Variants in NLGN1 observed in about 807,000 individuals in gnomAD.
NLGN1 encodes the protein neuroligin-1.
A neutral mutation model predicts 65.5 loss-of-function variants in NLGN1; 12 were observed. The observed-to-expected ratio is 0.18, with a 90% CI of 0.12 to 0.30. NLGN1 has a LOEUF of 0.30. Ranked by LOEUF, NLGN1 falls within the 10% of genes least tolerant of loss-of-function variation. The probability of loss-of-function intolerance (pLI) is 1.00; values close to 1 mark genes in which losing one functional copy is unlikely to be tolerated. For synonymous variants in NLGN1, 350 were observed against 359.5 expected (o/e 0.97, Z 0.30); for missense variants, 750 against 1,007.1 (o/e 0.74, Z 3.46).
At chr3:174,220,731 T>A (rs2152805076) in intron 4 of NLGN1, among the ~76,000 whole-genome samples, 1 of 152,308 alleles carries the variant, frequency 6.6e-6, no homozygotes. Context: ...GGGCATTATT[T>A]ACACATGGTT....
At chr3:174,236,478 C>T (rs578096627) in intron 4 of NLGN1, among the ~76,000 whole-genome samples, 20 of 151,948 alleles carry the variant, frequency 1.3e-4, no homozygotes, top group African/African-American at 4.8e-4. Flanking sequence ...AGATTGGTGA[C>T]AACTATTTTC....
At chr3:173,937,533 A>G (rs1418855523) in intron 4 of NLGN1, among the ~76,000 whole-genome samples, 1 of 152,148 alleles carries the variant, frequency 6.6e-6, no homozygotes, top group Non-Finnish European at 1.5e-5. Context: ...AGAATTAAAA[A>G]TCTGAACTTT....
intron 2 of NLGN1, among the ~76,000 whole-genome samples, chr3:173,532,081 C>T (rs1429252339): frequency 2.6e-5 from 4 of 152,250 alleles, no homozygotes; most frequent in East Asian, 1.9e-4. Flanking sequence ...CTCATGAATT[C>T]GCCAAAGCTA....
intron 2 of NLGN1, among the ~76,000 whole-genome samples, chr3:173,445,379 TC>T (rs1720075304): frequency 6.6e-6 from 1 of 152,190 alleles, no homozygotes; most frequent in African/African-American, 2.4e-5. Flanking sequence ...AATGACCTGT[TC>T]CTTAGGTATG....
At chr3:173,878,644 A>T (rs1732621779) in intron 4 of NLGN1, among the ~76,000 whole-genome samples, 1 of 149,050 alleles carries the variant, frequency 6.7e-6, no homozygotes, top group Non-Finnish European at 1.5e-5. Context: ...ATATACTTAT[A>T]TATGTGTATA....
chr3:174,044,895 T>C (rs973372969), intron 4 of NLGN1, among the ~76,000 whole-genome samples: 3 of 152,088 alleles, frequency 2.0e-5, no homozygotes, highest in African/African-American at 7.2e-5. Flanking sequence ...GTTTCCCCCT[T>C]TTGCTTGGCA....
chr3:174,074,921 T>C (rs898706850), intron 4 of NLGN1, among the ~76,000 whole-genome samples: 1 of 152,174 alleles, frequency 6.6e-6, no homozygotes, highest in African/African-American at 2.4e-5. Flanking sequence ...GTGCACAATG[T>C]GATTGCTAGT....
chr3:173,763,456 T>C (rs1778298852), intron 3 of NLGN1, among the ~76,000 whole-genome samples: 1 of 152,092 alleles, frequency 6.6e-6, no homozygotes, highest in African/African-American at 2.4e-5. Flanking sequence ...ACAGCAGAAA[T>C]TCATGATTTG....
intron 4 of NLGN1, among the ~76,000 whole-genome samples, chr3:174,084,260 A>T (rs1338514223): frequency 6.6e-6 from 1 of 152,188 alleles, no homozygotes; most frequent in Non-Finnish European, 1.5e-5. Context: ...CCTCCTTTAC[A>T]GTTCAGAATA....
At chr3:174,103,393 C>T (rs1712991466) in intron 4 of NLGN1, among the ~76,000 whole-genome samples, 1 of 151,966 alleles carries the variant, frequency 6.6e-6, no homozygotes, top group Non-Finnish European at 1.5e-5. Context: ...TTTGCTTATA[C>T]AAATATCTCT....
chr3:173,464,210 T>G (rs187894383), intron 2 of NLGN1, among the ~76,000 whole-genome samples: 7 of 152,268 alleles, frequency 4.6e-5, no homozygotes, highest in Admixed American at 3.9e-4. Context: ...ATGTGCATTA[T>G]CTCTATCCAC....
chr3:173,583,373 C>A (rs1746702135), intron 2 of NLGN1, among the ~76,000 whole-genome samples: 1 of 152,164 alleles, frequency 6.6e-6, no homozygotes, highest in Admixed American at 6.5e-5. Context: ...TATGGGTTTA[C>A]CCCTTAGTGT....
intron 4 of NLGN1, among the ~76,000 whole-genome samples, chr3:173,994,034 T>C (rs1453339569): frequency 3.3e-5 from 5 of 152,054 alleles, no homozygotes; most frequent in Non-Finnish European, 7.4e-5. Context: ...TATAAGTAGA[T>C]TGCCATAAAG....
At chr3:173,416,833 G>A (rs1713894991) in intron 1 of NLGN1, among the ~76,000 whole-genome samples, 1 of 152,068 alleles carries the variant, frequency 6.6e-6, no homozygotes, top group Non-Finnish European at 1.5e-5. Flanking sequence ...GTTAAAGTGA[G>A]TCTAATGTAT....
chr3:173,683,912 T>C (rs1577935665), intron 3 of NLGN1, among the ~76,000 whole-genome samples: 1 of 152,148 alleles, frequency 6.6e-6, no homozygotes, highest in South Asian at 2.1e-4. Context: ...GAAATGGCTG[T>C]TGGACTTGAT....
At chr3:174,265,539 C>G (rs1029249545) in intron 4 of NLGN1, among the ~76,000 whole-genome samples, 2 of 151,856 alleles carry the variant, frequency 1.3e-5, no homozygotes, top group Non-Finnish European at 2.9e-5. Flanking sequence ...TGTTTCGGCT[C>G]GCACACGGTG....
intron 4 of NLGN1, among the ~76,000 whole-genome samples, chr3:174,122,733 A>G (rs1718037109): frequency 6.6e-6 from 1 of 152,180 alleles, no homozygotes; most frequent in South Asian, 2.1e-4. Flanking sequence ...TTTCCCTCAC[A>G]TGGAAAATCA....
At chr3:173,922,243 TTAA>T (rs1177650604) in intron 4 of NLGN1, among the ~76,000 whole-genome samples, 2 of 152,098 alleles carry the variant, frequency 1.3e-5, no homozygotes, top group Non-Finnish European at 2.9e-5. Flanking sequence ...TCAATTTTTA[TTAA>T]TAAATGTTTC....
chr3:174,200,677 C>CAAT (rs776271952), intron 4 of NLGN1, among the ~76,000 whole-genome samples: 1 of 152,202 alleles, frequency 6.6e-6, no homozygotes, highest in Admixed American at 6.5e-5. Flanking sequence ...CATCACAAAG[C>CAAT]AATAATATTA....
Sources: gnomAD v4.1 joint callset for allele counts (sites outside exome capture counted in the v4.1 genomes callset) on GRCh38, gnomAD v4.1.1 for gene constraint, MANE v1.5 for transcripts, NCBI Gene and HGNC (gene_info 2026-07-23, HGNC 2026-07-21) for gene names.